Variants in ZBTB8OS observed in about 807,000 individuals in gnomAD.
The protein encoded by ZBTB8OS is tRNA splicing ligase complex subunit 1, also known as tRNA-splicing ligase-activating factor archease.
Under a neutral mutation model 29.3 loss-of-function variants are expected in ZBTB8OS, and 16 were observed. The observed-to-expected ratio is 0.55, with a 90% CI of 0.37 to 0.83. The LOEUF is 0.83. Ranked by LOEUF, ZBTB8OS falls within the 40% of genes least tolerant of loss-of-function variation. The pLI is 0.00. For missense variants in ZBTB8OS, 160 were observed against 196.9 expected, an observed-to-expected ratio of 0.81 and a Z score of 1.12; for synonymous variants, 70 against 64.6, an observed-to-expected ratio of 1.08 and a Z score of -0.40.
Position 32,650,546 on chromosome 1 carries a change from A to G in ZBTB8OS, c.-17T>C. 1 of 1,613,622 alleles carries G rather than the reference A, an allele frequency of 6.2e-7. No individual in the cohort carries two copies. The highest frequency in any genetic ancestry group is 1.7e-5 in the Admixed American group (1 of 59,962). On this transcript the variant is annotated 5_prime_UTR_variant, in exon 1 of 7. Coordinates refer to ENST00000468695, the MANE Select transcript of ZBTB8OS (RefSeq NM_178547.5). Reference sequence around the variant, plus strand: ...CTGCGCCATGACTGCAGGATTAGACACTCTACTTCCGCCCTTCATCCACCG... The same window carrying G: ...CTGCGCCATGACTGCAGGATTAGACGCTCTACTTCCGCCCTTCATCCACCG...
At chr1:32,648,038 CA>C (rs1053087917) in intron 1 of ZBTB8OS, among the ~76,000 whole-genome samples, 257 of 142,094 alleles carry the variant, frequency 1.8e-3, no homozygotes, top group Non-Finnish European at 2.8e-3. Flanking sequence ...CAACCCAAGA[CA>C]AAAAAAAAAT....
intron 1 of ZBTB8OS, among the ~76,000 whole-genome samples, chr1:32,648,009 G>A (rs1399664177): frequency 6.6e-6 from 1 of 151,502 alleles, no homozygotes; most frequent in Non-Finnish European, 1.5e-5. Context: ...AACACTTTCT[G>A]CCTAGTAAGA....
chr1:32,641,642 G>A (rs1402051629), intron 1 of ZBTB8OS, among the ~76,000 whole-genome samples: 3 of 148,772 alleles, frequency 2.0e-5, no homozygotes, highest in East Asian at 2.1e-4. Flanking sequence ...GGCCGGGCAC[G>A]GTGGCTCACA....
At chr1:32,646,090 C>T (rs1646806153) in intron 1 of ZBTB8OS, among the ~76,000 whole-genome samples, 1 of 152,096 alleles carries the variant, frequency 6.6e-6, no homozygotes, top group African/African-American at 2.4e-5. Context: ...CAGGCCAAGG[C>T]AGACAGATCA....
At chr1:32,643,392 TTTGG>T (rs1308826767) in intron 1 of ZBTB8OS, among the ~76,000 whole-genome samples, 1 of 7,694 alleles carries the variant, frequency 1.3e-4, no homozygotes, top group African/African-American at 1.4e-4. Context: ...TGTTTTAGTT[TTTGG>T]TTTTTTTTTC....
At chr1:32,630,768 T>C (rs1224503657) in intron 5 of ZBTB8OS, among the ~76,000 whole-genome samples, 2 of 151,680 alleles carry the variant, frequency 1.3e-5, no homozygotes, top group African/African-American at 2.4e-5. Flanking sequence ...CTCGACACTT[T>C]GGGAGGGCTG....
At chr1:32,650,678 C>T, upstream of ZBTB8OS, 1 of 1,410,324 alleles carries the variant, frequency 7.1e-7, no homozygotes, top group Non-Finnish European at 9.7e-7. Context: ...TACTTTAGTC[C>T]CTACCCTGCC....
intron 1 of ZBTB8OS, among the ~76,000 whole-genome samples, chr1:32,647,105 C>T (rs1646907293): frequency 7.4e-6 from 1 of 134,910 alleles, no homozygotes. Context: ...CCTGTAATCC[C>T]AGCACTTCGG....
chr1:32,627,430 T>C, intron 6 of ZBTB8OS, 78 bp downstream of exon 6: 2 of 1,288,794 alleles, frequency 1.6e-6, no homozygotes, highest in East Asian at 2.3e-5. Flanking sequence ...TAGAACTAAC[T>C]GAAGTTGATT....
chr1:32,629,391 G>A (rs555047605), intron 5 of ZBTB8OS, among the ~76,000 whole-genome samples: 1 of 152,052 alleles, frequency 6.6e-6, no homozygotes, highest in African/African-American at 2.4e-5. Flanking sequence ...ACTCCAGGCT[G>A]AGAGACAAAG....
intron 5 of ZBTB8OS, among the ~76,000 whole-genome samples, chr1:32,630,778 G>A (rs1645487079): frequency 6.6e-6 from 1 of 151,098 alleles, no homozygotes; most frequent in African/African-American, 2.4e-5. Flanking sequence ...TGGGAGGGCT[G>A]ATGCGGGCAG....
intron 1 of ZBTB8OS, among the ~76,000 whole-genome samples, chr1:32,647,386 G>A (rs534091746): frequency 2.4e-4 from 36 of 151,108 alleles, no homozygotes; most frequent in Middle Eastern, 3.4e-3. Context: ...GCAGTGACTG[G>A]AGATCATGCC....
chr1:32,625,035 C>G (rs1645011726), intron 6 of ZBTB8OS, among the ~76,000 whole-genome samples: 1 of 151,824 alleles, frequency 6.6e-6, no homozygotes, highest in South Asian at 2.1e-4. Context: ...ACCAGCCTGG[C>G]CAACATGGTG....
intron 1 of ZBTB8OS, among the ~76,000 whole-genome samples, chr1:32,639,493 C>G (rs1049941056): frequency 6.6e-6 from 1 of 152,034 alleles, no homozygotes; most frequent in African/African-American, 2.4e-5. Context: ...GTCATGGTGG[C>G]TCATTCCTGT....
At chr1:32,648,785 A>G (rs1647046587) in intron 1 of ZBTB8OS, among the ~76,000 whole-genome samples, 4 of 151,216 alleles carry the variant, frequency 2.6e-5, no homozygotes, top group Admixed American at 2.6e-4. Flanking sequence ...CAGCCGCCCA[A>G]GCAGCTGGGA....
intron 6 of ZBTB8OS, among the ~76,000 whole-genome samples, chr1:32,625,930 T>A (rs1645099042): frequency 6.6e-6 from 1 of 151,812 alleles, no homozygotes; most frequent in African/African-American, 2.4e-5. Context: ...GAGTGTGCAA[T>A]GGCGTGATCT....
chr1:32,627,827 G>C, intron 5 of ZBTB8OS: 1 of 411,158 alleles, frequency 2.4e-6, no homozygotes, highest in Non-Finnish European at 4.4e-6. Flanking sequence ...TTGAGCCCAG[G>C]AGTTTGAGAA....
chr1:32,632,815 A>G (rs913446045), intron 4 of ZBTB8OS, among the ~76,000 whole-genome samples: 1 of 152,186 alleles, frequency 6.6e-6, no homozygotes, highest in African/African-American at 2.4e-5. Flanking sequence ...TGCCACTTCA[A>G]TAAAAGCTGT....
chr1:32,634,599 C>T lies in ZBTB8OS; in HGVS notation c.122+169G>A. On this transcript the variant is annotated intron_variant, in intron 2 of 6. Transcript: ENST00000468695. The stretch of plus-strand genomic sequence containing the variant: ...CTGGGGTGCAGTGGTGCAATCTCGG[C>T]TCACTGAGCCACTGAACCCTGCAAA... 8 of 755,426 alleles carry T rather than the reference C, an allele frequency of 1.1e-5. No individual in the cohort carries two copies. In the South Asian group the frequency reaches 1.2e-4, roughly 11 times the overall value. 46.8% of individuals were successfully genotyped at this position (755,426 alleles called of 1,614,324 possible). A position where few individuals can be genotyped will look rare whatever the true frequency, so the allele number is the denominator to read the frequency against.
Sources: gnomAD v4.1 joint callset for allele counts (sites outside exome capture counted in the v4.1 genomes callset) on GRCh38, gnomAD v4.1.1 for gene constraint, MANE v1.5 for transcripts, NCBI Gene and HGNC (gene_info 2026-07-23, HGNC 2026-07-21) for gene names.